VPS37A: variants seen among roughly 807,000 people sequenced by gnomAD.
The protein encoded by VPS37A is VPS37A subunit of ESCRT-I.
VPS37A carries 30 observed loss-of-function variants against 49.8 expected under a neutral mutation model. That is an observed-to-expected ratio of 0.60 (90% confidence interval 0.45 to 0.82). The LOEUF is 0.82. Ranked by LOEUF, VPS37A falls within the 40% of genes least tolerant of loss-of-function variation. The probability of loss-of-function intolerance (pLI) is 0.00; values close to 1 mark genes in which losing one functional copy is unlikely to be tolerated. For synonymous variants in VPS37A, 195 were observed against 160.6 expected, an observed-to-expected ratio of 1.21 and a Z score of -1.62; for missense variants, 593 against 464.4, an observed-to-expected ratio of 1.28 and a Z score of -2.55.
At chr8:17,314,990 C>T in the VPS37A span, among the ~76,000 whole-genome samples, 1 of 152,186 alleles carries the variant, frequency 6.6e-6, no homozygotes, top group South Asian at 2.1e-4. Flanking sequence ...GTGAAAAATA[C>T]ACACAATGAT....
chr8:17,291,447 T>G (rs930222449), intron 11 of VPS37A, among the ~76,000 whole-genome samples: 1 of 143,524 alleles, frequency 7.0e-6, no homozygotes, highest in African/African-American at 2.6e-5. Context: ...TTTTTTTTTT[T>G]GAAGGGTTTT....
intron 1 of VPS37A, among the ~76,000 whole-genome samples, chr8:17,253,190 A>G (rs2150348088): frequency 6.6e-6 from 1 of 152,228 alleles, no homozygotes; most frequent in East Asian, 1.9e-4. Context: ...CCCTCCCCCC[A>G]ACCTGAACTC....
In VPS37A at chr8:17,247,276, C is replaced by A; in HGVS notation, c.32C>A (p.Ala11Asp). 1 of 1,568,242 alleles carries A rather than the reference C, an allele frequency of 6.4e-7. No homozygotes were observed. Among genetic ancestry groups the A allele is most frequent in the East Asian group, 2.4e-5 (1 of 42,010 alleles). Residue 11 changes from alanine to aspartate, a missense_variant, in exon 1 of 12, where the codon GCC (alanine) becomes GAC (aspartate). Physicochemically the swap from Ala to Asp is moderately radical, Grantham distance 126. Transcript: ENST00000324849. MSWLFPLTKS[A>D]SSSAAGSPGG... ...TGGCTTTTTCCCCTGACCAAGAGCG[C>A]CTCCTCCTCCGCGGCTGGGTCCCCC...
downstream of VPS37A, chr8:17,302,506 A>AT (rs1357070011): frequency 4.4e-6 from 2 of 459,726 alleles, no homozygotes; most frequent in African/African-American, 4.0e-5. Flanking sequence ...GTCTGCCTGT[A>AT]TATATGAATT....
the VPS37A span, among the ~76,000 whole-genome samples, chr8:17,312,796 T>A: frequency 0.7 from 107,048 of 151,892 alleles, 38,626 homozygotes; most frequent in African/African-American, 0.86. Flanking sequence ...AAATCCAAGG[T>A]ATTTATTTCT....
At chr8:17,286,461 A>G (rs1322661603) in intron 11 of VPS37A, 34 bp downstream of exon 11, 18 of 1,581,260 alleles carry the variant, frequency 1.1e-5, no homozygotes, top group South Asian at 3.4e-5. Flanking sequence ...TCTCAAGGTG[A>G]TTGCATCAGT....
At chr8:17,323,054 T>C in the VPS37A span, among the ~76,000 whole-genome samples, 14 of 150,132 alleles carry the variant, frequency 9.3e-5, no homozygotes, top group South Asian at 2.8e-3. Context: ...TTCAAGCAAT[T>C]CTCCTGCCTC....
chr8:17,273,635 G>T (rs1340990314), intron 4 of VPS37A, among the ~76,000 whole-genome samples: 1 of 152,204 alleles, frequency 6.6e-6, no homozygotes, highest in Non-Finnish European at 1.5e-5. Context: ...CAAAGTGCTA[G>T]GATTACAGGC....
At chr8:17,306,015 C>G (rs7011852), downstream of VPS37A, 8,141 of 1,412,728 alleles carry the variant, frequency 5.8e-3, 364 homozygotes, top group African/African-American at 0.1. Context: ...AGTACAAAGC[C>G]ATAAATGCAA....
the VPS37A span, among the ~76,000 whole-genome samples, chr8:17,309,768 G>T: frequency 6.6e-6 from 1 of 152,184 alleles, no homozygotes; most frequent in African/African-American, 2.4e-5. Flanking sequence ...ACCAATGTGT[G>T]ATGCTGCCTC....
At chr8:17,249,562 T>C (rs754871370) in intron 1 of VPS37A, among the ~76,000 whole-genome samples, 5 of 152,236 alleles carry the variant, frequency 3.3e-5, no homozygotes, top group Non-Finnish European at 7.3e-5. Flanking sequence ...GTAGGTCATA[T>C]GCTTCCAGTT....
At chr8:17,299,058 C>A (rs778468952), downstream of VPS37A, 6 of 152,186 alleles carry the variant, frequency 3.9e-5, no homozygotes, top group Non-Finnish European at 8.8e-5. Flanking sequence ...CTGGCCCACA[C>A]TGTCGGTAGT....
At chr8:17,248,517 C>G in intron 1 of VPS37A, 1 of 363,420 alleles carries the variant, frequency 2.8e-6, no homozygotes, top group Admixed American at 3.4e-5. Context: ...CTTAGATTAT[C>G]CACCCGCTTC....
chr8:17,311,609 G>C, the VPS37A span: 6 of 1,614,060 alleles, frequency 3.7e-6, no homozygotes, highest in Non-Finnish European at 5.1e-6. Context: ...CAGTGAACAA[G>C]CACACTTGCC....
At chr8:17,282,817 G>C (rs528517516) in intron 9 of VPS37A, among the ~76,000 whole-genome samples, 2 of 152,140 alleles carry the variant, frequency 1.3e-5, no homozygotes, top group East Asian at 3.9e-4. Context: ...AAAATTTTCT[G>C]GGGATGATGA....
intron 4 of VPS37A, among the ~76,000 whole-genome samples, chr8:17,269,453 G>C (rs1563258814): frequency 6.6e-6 from 1 of 151,930 alleles, no homozygotes; most frequent in Non-Finnish European, 1.5e-5. Flanking sequence ...GTTTGGTTTT[G>C]TTTTAGATCA....
chr8:17,271,873 T>A, intron 4 of VPS37A: 1 of 416,910 alleles, frequency 2.4e-6, no homozygotes, highest in Non-Finnish European at 4.7e-6. Flanking sequence ...AGGTGTTTCT[T>A]AATTTGAGAA....
In VPS37A at chr8:17,284,876, A is replaced by AG. The variant is rs369030877; in HGVS notation, c.1113+266dup. 3.5e-3 allele frequency among the ~76,000 whole-genome samples: 539 copies of AG among 152,184 alleles called. 2 individuals carry two copies. The highest frequency in any genetic ancestry group is 0.012 in the African/African-American group (502 of 41,526). ...ACCTTAGCTATTCCCAGGGGACCCCAGGGGGGCAACTGCCATTGCTCTAAG... is the reference window on the plus strand; with the variant it reads ...ACCTTAGCTATTCCCAGGGGACCCCAGGGGGGGCAACTGCCATTGCTCTAAG... On this transcript the variant is annotated intron_variant, in intron 10 of 11. Transcript: ENST00000324849.
the VPS37A span, among the ~76,000 whole-genome samples, chr8:17,332,935 C>A: frequency 2.0e-5 from 3 of 152,166 alleles, no homozygotes; most frequent in Non-Finnish European, 4.4e-5. Flanking sequence ...CAGGAGAATG[C>A]CATCAGTACT....
Sources: gnomAD v4.1 joint callset for allele counts (sites outside exome capture counted in the v4.1 genomes callset) on GRCh38, gnomAD v4.1.1 for gene constraint, MANE v1.5 for transcripts, NCBI Gene and HGNC (gene_info 2026-07-23, HGNC 2026-07-21) for gene names.